The following CDC37L1 variants were observed in gnomAD, a reference collection of about 807,000 sequenced individuals.
The protein encoded by CDC37L1 is hsp90 co-chaperone Cdc37-like 1.
CDC37L1 carries 32 observed loss-of-function variants against 45.9 expected under a neutral mutation model. The ratio of observed to expected loss-of-function variants is 0.70; its 90% CI spans 0.53 to 0.94. CDC37L1 has a LOEUF of 0.94. Ranked by LOEUF, CDC37L1 falls within the 40% of genes least tolerant of loss-of-function variation. The pLI is 0.00. For synonymous variants in CDC37L1, 150 were observed against 133.0 expected, an observed-to-expected ratio of 1.13 and a Z score of -0.88; for missense variants, 434 against 405.7, an observed-to-expected ratio of 1.07 and a Z score of -0.60.
chr9:4,682,058 C>T (rs865979276), intron 1 of CDC37L1, among the ~76,000 whole-genome samples: 2 of 151,654 alleles, frequency 1.3e-5, no homozygotes, highest in Non-Finnish European at 2.9e-5. Context: ...TAGAATTTTT[C>T]GATTTGAGAA....
rs1277408123 is a variant in CDC37L1 at position 4,684,384 on chromosome 9, C to T, written c.133-493C>T. Among the ~76,000 whole-genome samples, 3 of 152,102 alleles carry T rather than the reference C, an allele frequency of 2.0e-5. No homozygotes were observed. The East Asian group carries it at 5.8e-4, about 29-fold the overall frequency. Reference sequence around the variant, plus strand: ...AAATGGAAATATCCAATAAGAACTTCTCAAATCACCAAGGATTGGAAAAAT... The same window carrying T: ...AAATGGAAATATCCAATAAGAACTTTTCAAATCACCAAGGATTGGAAAAAT... On this transcript the variant is annotated intron_variant, in intron 1 of 6. Coordinates refer to ENST00000381854, the MANE Select transcript of CDC37L1 (RefSeq NM_017913.4).
chr9:4,703,105 A>G (rs1841415077), intron 6 of CDC37L1: 1 of 1,542,710 alleles, frequency 6.5e-7, no homozygotes. Context: ...TTTTAAGACC[A>G]GCTTTAGCCA....
intron 1 of CDC37L1, among the ~76,000 whole-genome samples, chr9:4,681,386 A>T (rs976786037): frequency 2.6e-5 from 4 of 152,128 alleles, no homozygotes; most frequent in Non-Finnish European, 5.9e-5. Context: ...ACTAGAACCC[A>T]CTTATGACTC....
intron 3 of CDC37L1, 49 bp from the exon 4 acceptor site, chr9:4,697,047 G>T: frequency 1.3e-6 from 1 of 797,548 alleles, no homozygotes; most frequent in South Asian, 1.5e-5. Flanking sequence ...TTCCCTTATG[G>T]GAAGAAAGAA....
chr9:4,703,167 T>G, intron 6 of CDC37L1: 1 of 1,482,642 alleles, frequency 6.7e-7, no homozygotes, highest in East Asian at 2.5e-5. Flanking sequence ...CAAAAGACAA[T>G]GTGAGGAGAG....
Position 4,679,681 on chromosome 9 carries a change from C to T in CDC37L1, c.-87C>T. 1 of 1,268,500 alleles carries T rather than the reference C, an allele frequency of 7.9e-7. No homozygotes were observed. The highest frequency in any genetic ancestry group is 1.1e-6 in the Non-Finnish European group (1 of 939,158). The allele number at this position is 1,268,500 out of a possible 1,614,324, so 78.6% of individuals were successfully genotyped here. A position where few individuals can be genotyped will look rare whatever the true frequency, so the allele number is the denominator to read the frequency against. On this transcript the variant is annotated 5_prime_UTR_variant, in exon 1 of 7. Transcript: ENST00000381854. ...CGGACCCCCGGCTGGGCTTCTGGCT[C>T]GGCGCAGCAGGTTCCATTCACGCCA...
rs149917792 is a variant in CDC37L1 at position 4,704,440 on chromosome 9, C to T, written c.913-1571C>T. Among the ~76,000 whole-genome samples, 265 of 152,160 alleles carry T rather than the reference C, an allele frequency of 1.7e-3. 2 individuals carry two copies. The highest frequency in any genetic ancestry group is 0.01 in the Middle Eastern group (3 of 294). The stretch of plus-strand genomic sequence containing the variant: ...TAAGTGTAGGTTAGGTCGGGTATAC[C>T]GATTCCTTCTTATTTTTTAAAGTCT... On this transcript the variant is annotated intron_variant, in intron 6 of 6. Coordinates refer to ENST00000381854, the MANE Select transcript of CDC37L1 (RefSeq NM_017913.4).
At chr9:4,680,226 T>A (rs759099251) in intron 1 of CDC37L1, among the ~76,000 whole-genome samples, 1 of 152,192 alleles carries the variant, frequency 6.6e-6, no homozygotes, top group Non-Finnish European at 1.5e-5. Flanking sequence ...TGCTGTAACA[T>A]TGACCCTTTG....
At chr9:4,688,234 G>A (rs1481317788) in intron 2 of CDC37L1, among the ~76,000 whole-genome samples, 11 of 152,058 alleles carry the variant, frequency 7.2e-5, no homozygotes, top group Non-Finnish European at 1.2e-4. Flanking sequence ...TCCTGACCTC[G>A]TGATCCACCC....
At chr9:4,680,778 C>G (rs1003812012) in intron 1 of CDC37L1, among the ~76,000 whole-genome samples, 1 of 152,154 alleles carries the variant, frequency 6.6e-6, no homozygotes, top group African/African-American at 2.4e-5. Flanking sequence ...TGTCTGCCGC[C>G]TTCTTGCAAA....
At chr9:4,704,345 A>G (rs959992146) in intron 6 of CDC37L1, among the ~76,000 whole-genome samples, 4 of 152,228 alleles carry the variant, frequency 2.6e-5, no homozygotes, top group Non-Finnish European at 5.9e-5. Flanking sequence ...TTATTCACCT[A>G]TACCACAGAC....
At chr9:4,692,426 C>T (rs554099231) in intron 3 of CDC37L1, among the ~76,000 whole-genome samples, 59 of 152,180 alleles carry the variant, frequency 3.9e-4, no homozygotes, top group African/African-American at 1.2e-3. Context: ...CCTGCTACCA[C>T]GCCTGGCTAA....
rs558829354 is a variant in CDC37L1 at position 4,706,890 on chromosome 9, G to GAGTA, written c.*782_*785dup. 5.8e-4 allele frequency: 89 copies of GAGTA among 152,234 alleles called. No homozygotes were observed. The highest frequency in any genetic ancestry group is 2.3e-3 in the Admixed American group (35 of 15,304). 9.4% of individuals were successfully genotyped at this position (152,234 alleles called of 1,614,324 possible). A position where few individuals can be genotyped will look rare whatever the true frequency, so the allele number is the denominator to read the frequency against. ...TTAACATAGTCTGGGATCTCTCAGG[G>GAGTA]AGTAAGTTTTAAAAGAATACTAATG... On this transcript the variant is annotated 3_prime_UTR_variant, in exon 7 of 7. Coordinates refer to ENST00000381854, the MANE Select transcript of CDC37L1 (RefSeq NM_017913.4).
At chr9:4,694,425 C>G (rs991692457) in intron 3 of CDC37L1, among the ~76,000 whole-genome samples, 1 of 152,152 alleles carries the variant, frequency 6.6e-6, no homozygotes, top group African/African-American at 2.4e-5. Context: ...CCACAAAGGT[C>G]TGTATCGACT....
chr9:4,688,720 G>C, intron 3 of CDC37L1, 114 bp downstream of exon 3: 1 of 636,632 alleles, frequency 1.6e-6, no homozygotes, highest in Non-Finnish European at 2.6e-6. Flanking sequence ...CTCCAATTTT[G>C]TAGCTTCTGG....
At chr9:4,682,674 T>C (rs1005976779) in intron 1 of CDC37L1, among the ~76,000 whole-genome samples, 4 of 151,476 alleles carry the variant, frequency 2.6e-5, no homozygotes, top group African/African-American at 9.7e-5. Context: ...GGTTTCGCCA[T>C]GTTGGCCAAG....
At position 4,682,159 on chromosome 9, in the gene CDC37L1, C is replaced by CTT. The variant is rs1563766411; in HGVS notation, c.132+2261_132+2262insTT. ...TACTTTTCTTGATATATTATCCTTT[C>CTT]TCTTTTTTTTTTTTTTTTTTTGAGG... On this transcript the variant is annotated intron_variant, in intron 1 of 6. Coordinates refer to ENST00000381854, the MANE Select transcript of CDC37L1 (RefSeq NM_017913.4). Among the ~76,000 whole-genome samples, 17 of 48,452 alleles carry CTT rather than the reference C, an allele frequency of 3.5e-4. 2 individuals carry two copies. Among genetic ancestry groups the CTT allele is most frequent in the African/African-American group, 1.0e-3 (6 of 6,010 alleles). 31.8% of individuals were successfully genotyped at this position (48,452 alleles called of 152,430 possible).
rs1053097384 is a variant in CDC37L1 at position 4,706,582 on chromosome 9, C to T, written c.*470C>T. ...ATTTGGTGTTTCATCACATTAAAAG[C>T]AATAAATCAGTAGTTGGTAATGTAC... is the stretch of plus-strand genomic sequence containing the variant. On this transcript the variant is annotated 3_prime_UTR_variant, in exon 7 of 7. Transcript: ENST00000381854. 6.5e-6 allele frequency: 1 copy of T among 152,826 alleles called. No homozygotes were observed. The highest frequency in any genetic ancestry group is 6.5e-5 in the Admixed American group (1 of 15,312). The allele number at this position is 152,826 out of a possible 1,614,324, so 9.5% of individuals were successfully genotyped here.
chr9:4,706,064 G>T lies in CDC37L1; in HGVS notation c.966G>T (p.Ser322=), dbSNP rs143606829. ...SISTALCSLN[S]VVHKEDDEPK... ...GTACAGCTCTCTGCAGCTTAAACTC[G>T]GTGGTACATAAAGAAGATGATGAAC... is the stretch of plus-strand genomic sequence containing the variant. Residue 322 remains serine, a synonymous_variant, in exon 7 of 7, where the codon TCG becomes TCT. Coordinates refer to ENST00000381854, the MANE Select transcript of CDC37L1 (RefSeq NM_017913.4). 6.2e-7 allele frequency: 1 copy of T among 1,607,100 alleles called. No individual in the cohort carries two copies. The highest frequency in any genetic ancestry group is 8.5e-7 in the Non-Finnish European group (1 of 1,173,934).
Sources: gnomAD v4.1 joint callset for allele counts (sites outside exome capture counted in the v4.1 genomes callset) on GRCh38, gnomAD v4.1.1 for gene constraint, MANE v1.5 for transcripts, NCBI Gene and HGNC (gene_info 2026-07-23, HGNC 2026-07-21) for gene names.